Variants in NAALADL2 observed in about 807,000 individuals in gnomAD.
NAALADL2 encodes inactive N-acetylated-alpha-linked acidic dipeptidase-like protein 2.
Under a neutral mutation model 87.2 loss-of-function variants are expected in NAALADL2, and 76 were observed. The observed-to-expected ratio is 0.87, with a 90% CI of 0.72 to 1.05. The LOEUF (loss-of-function observed/expected upper bound fraction) is 1.05. Among genes scored for constraint, NAALADL2 ranks in the 50% least tolerant of loss-of-function variants. The pLI, the probability that NAALADL2 is intolerant of heterozygous loss-of-function variation, is 0.00. For synonymous variants in NAALADL2, 354 were observed against 331.0 expected (o/e 1.07, Z -0.75); for missense variants, 1,089 against 945.8 (o/e 1.15, Z -1.99).
At chr3:175,312,212 AAAAT>A (rs1425202551) in intron 4 of NAALADL2, among the ~76,000 whole-genome samples, 1 of 152,176 alleles carries the variant, frequency 6.6e-6, no homozygotes, top group Admixed American at 6.6e-5. Flanking sequence ...TTCGGAAGTA[AAAAT>A]ATCTGCCTAA....
At chr3:175,707,246 T>C (rs1439939841) in intron 11 of NAALADL2, among the ~76,000 whole-genome samples, 1 of 152,100 alleles carries the variant, frequency 6.6e-6, no homozygotes, top group Non-Finnish European at 1.5e-5. Context: ...ACAAAAGCAA[T>C]CAAACAATAT....
intron 11 of NAALADL2, among the ~76,000 whole-genome samples, chr3:175,701,415 C>A (rs536267039): frequency 1.3e-5 from 2 of 152,228 alleles, no homozygotes; most frequent in East Asian, 3.9e-4. Flanking sequence ...TATATGGGAT[C>A]TGGCCATCGT....
At chr3:174,805,233 T>G (rs1719323854) in intron 3 of NAALADL2, among the ~76,000 whole-genome samples, 1 of 152,128 alleles carries the variant, frequency 6.6e-6, no homozygotes, top group Admixed American at 6.6e-5. Flanking sequence ...AAACCTGGGA[T>G]TGGCCAAAAT....
rs1040965385 is a variant in NAALADL2 at position 175,368,606 on chromosome 3, G to C, written c.1090+44281G>C. On this transcript the variant is annotated intron_variant, in intron 5 of 13. Transcript: ENST00000454872. ...GTGTGTGTGTGTGTGTTTATAGCCA[G>C]TATGTATATATGTAGCAAATACGTT... Among the ~76,000 whole-genome samples, 21 of 149,946 alleles carry C rather than the reference G, an allele frequency of 1.4e-4. 1 individual carries two copies. Among genetic ancestry groups the C allele is most frequent in the Admixed American group, 2.7e-4 (4 of 14,774 alleles).
chr3:175,551,754 C>T (rs895159654), intron 9 of NAALADL2, among the ~76,000 whole-genome samples: 7 of 151,852 alleles, frequency 4.6e-5, no homozygotes, highest in Non-Finnish European at 8.8e-5. Flanking sequence ...AAAAATTAGC[C>T]GGGCATGTTG....
At chr3:174,557,828 A>C (rs1041338003) in intron 2 of NAALADL2, among the ~76,000 whole-genome samples, 22 of 152,264 alleles carry the variant, frequency 1.4e-4, no homozygotes, top group Non-Finnish European at 2.8e-4. Flanking sequence ...GAGCCATTAC[A>C]GTGAAAAGAA....
rs558314235 is a variant in NAALADL2, at chr3:175,173,925, G to A, written c.546-60006G>A. Among the ~76,000 whole-genome samples the A allele has an allele frequency of 5.3e-5, 8 of 151,900 alleles. No homozygotes were observed. In the South Asian group the frequency reaches 1.0e-3, roughly 20 times the overall value. On this transcript the variant is annotated intron_variant, in intron 2 of 13. Transcript: ENST00000454872. ...TTGTCAATATTTTAATAACAGACTT[G>A]AGAATTATATTGTGCTTTTAAGGAT...
chr3:174,723,366 C>G (rs1398585159), intron 2 of NAALADL2, among the ~76,000 whole-genome samples: 1 of 152,096 alleles, frequency 6.6e-6, no homozygotes, highest in Non-Finnish European at 1.5e-5. Flanking sequence ...CAATTTCTCC[C>G]AAGCTTCTAA....
At chr3:175,334,776 A>T (rs1305028692) in intron 5 of NAALADL2, among the ~76,000 whole-genome samples, 1 of 152,180 alleles carries the variant, frequency 6.6e-6, no homozygotes, top group East Asian at 1.9e-4. Flanking sequence ...TACCTGTGGA[A>T]AACAGGGAGC....
chr3:175,783,392 T>G (rs1274332613), intron 13 of NAALADL2, among the ~76,000 whole-genome samples: 1 of 151,152 alleles, frequency 6.6e-6, no homozygotes, highest in Middle Eastern at 3.2e-3. Flanking sequence ...TGAGCAGTGG[T>G]TTGTAGTTCT....
At chr3:174,835,415 A>C (rs796823491) in intron 3 of NAALADL2, among the ~76,000 whole-genome samples, 60 of 152,264 alleles carry the variant, frequency 3.9e-4, no homozygotes, top group African/African-American at 1.3e-3. Context: ...AGAAGAAAAC[A>C]TAGGGAAATG....
rs571358796 is a variant in NAALADL2 at position 175,185,891 on chromosome 3, T to A, written c.546-48040T>A. 2.0e-5 allele frequency among the ~76,000 whole-genome samples: 3 copies of A among 152,022 alleles called. No homozygotes were observed. In the South Asian group the frequency reaches 6.2e-4, roughly 32 times the overall value. ...TGTTCTTATCTCTATTTTACTTTCA[T>A]CATTCTTTTAAAATTTATATTTTCA... On this transcript the variant is annotated intron_variant, in intron 2 of 13. Coordinates refer to ENST00000454872, the MANE Select transcript of NAALADL2 (RefSeq NM_207015.3).
intron 2 of NAALADL2, among the ~76,000 whole-genome samples, chr3:175,224,213 C>G (rs575648647): frequency 2.0e-5 from 3 of 151,936 alleles, no homozygotes; most frequent in South Asian, 4.2e-4. Flanking sequence ...GCTTGCTGCC[C>G]GGAGGATATT....
intron 5 of NAALADL2, among the ~76,000 whole-genome samples, chr3:175,364,221 T>C (rs1162383424): frequency 6.8e-6 from 1 of 148,112 alleles, no homozygotes; most frequent in African/African-American, 2.5e-5. Flanking sequence ...CTTGGAAATA[T>C]ATAAAGGGTC....
intron 1 of NAALADL2, chr3:175,059,372 G>A (rs1712943466): frequency 6.6e-6 from 1 of 152,624 alleles, no homozygotes; most frequent in South Asian, 2.0e-4. Context: ...CTTATGGAAA[G>A]CAGCCATATC....
Position 174,735,621 on chromosome 3 carries a change from G to A in NAALADL2, c.-114-2020G>A, listed in dbSNP as rs534628675. Among the ~76,000 whole-genome samples the A allele has an allele frequency of 3.9e-5, 6 of 152,224 alleles. No homozygotes were observed. The East Asian group carries it at 1.2e-3, about 30-fold the overall frequency. ...GTCACCCAGGTTGGTGTGCAGTGGTGCAATCACAGGTCACTGCAACCTCTA... is the reference window on the plus strand; with the variant it reads ...GTCACCCAGGTTGGTGTGCAGTGGTACAATCACAGGTCACTGCAACCTCTA... On this transcript the variant is annotated intron_variant, in intron 2 of 3. Coordinates refer to the NAALADL2 transcript ENST00000434257.
chr3:175,399,850 C>T (rs150195067), intron 5 of NAALADL2, among the ~76,000 whole-genome samples: 36 of 152,234 alleles, frequency 2.4e-4, no homozygotes, highest in African/African-American at 7.7e-4. Flanking sequence ...ACACCTCTGA[C>T]GTTTATGTCT....
chr3:175,540,189 G>C (rs1325780942), intron 9 of NAALADL2, among the ~76,000 whole-genome samples: 1 of 152,138 alleles, frequency 6.6e-6, no homozygotes. Flanking sequence ...AACAAAGGAG[G>C]CCAGGAGGAC....
chr3:175,557,560 G>A (rs1365558347), intron 9 of NAALADL2, among the ~76,000 whole-genome samples: 1 of 151,486 alleles, frequency 6.6e-6, no homozygotes, highest in African/African-American at 2.4e-5. Flanking sequence ...CCCAACTACC[G>A]TTCCCAGCCT....
Sources: allele counts gnomAD v4.1 joint callset (sites outside exome capture counted in the v4.1 genomes callset), GRCh38; gene constraint gnomAD v4.1.1; transcripts MANE v1.5; gene names NCBI Gene and HGNC (gene_info 2026-07-23, HGNC 2026-07-21).